PDZD2: variants seen among roughly 807,000 people sequenced by gnomAD.
PDZD2 encodes PDZ domain containing 2, also known as PDZ domain-containing protein 2.
Under a neutral mutation model 220.7 loss-of-function variants are expected in PDZD2, and 90 were observed. The observed-to-expected ratio is 0.41, with a 90% CI of 0.34 to 0.49. PDZD2 has a LOEUF of 0.49. PDZD2 is among the 20% of genes least tolerant of loss of function. PDZD2 has a pLI of 0.28. For missense variants in PDZD2, 3,174 were observed against 3,608.5 expected (o/e 0.88, Z 3.08); for synonymous variants, 1,375 against 1,450.5 (o/e 0.95, Z 1.18).
rs541496525 is a variant in PDZD2 at position 32,049,165 on chromosome 5, G to A, written c.1665+481G>A. ...AAGGTCATGGGGGGCTGTAGAGGGGGGCTGCACTAGCTGCTCAAGTTGATG... is the reference window on the plus strand; with the variant it reads ...AAGGTCATGGGGGGCTGTAGAGGGGAGCTGCACTAGCTGCTCAAGTTGATG... On this transcript the variant is annotated intron_variant, in intron 8 of 24. Transcript: ENST00000438447. 2.8e-4 allele frequency among the ~76,000 whole-genome samples: 43 copies of A among 152,108 alleles called. No homozygotes were observed. The South Asian group carries it at 4.2e-3, about 15-fold the overall frequency.
chr5:31,741,091 A>G (rs1019395825), intron 1 of PDZD2, among the ~76,000 whole-genome samples: 1 of 152,182 alleles, frequency 6.6e-6, no homozygotes, highest in African/African-American at 2.4e-5. Flanking sequence ...TTTGAAATCC[A>G]TGCATAATTT....
At chr5:31,879,744 T>G (rs1387247061) in intron 2 of PDZD2, among the ~76,000 whole-genome samples, 2 of 152,076 alleles carry the variant, frequency 1.3e-5, no homozygotes, top group Non-Finnish European at 2.9e-5. Context: ...CGTTTTCTTC[T>G]TAGCTTTTCT....
intron 1 of PDZD2, among the ~76,000 whole-genome samples, chr5:31,659,438 C>T (rs1277411019): frequency 6.6e-6 from 1 of 152,088 alleles, no homozygotes; most frequent in East Asian, 1.9e-4. Context: ...CCCTCAGCTA[C>T]TCCAGAGTAA....
At chr5:31,695,208 T>A (rs1747329544) in intron 1 of PDZD2, among the ~76,000 whole-genome samples, 1 of 152,116 alleles carries the variant, frequency 6.6e-6, no homozygotes. Flanking sequence ...TTCTTCCAAG[T>A]CCACCTTGAA....
Position 31,870,435 on chromosome 5 carries a change from G to A in PDZD2, c.476+70711G>A, listed in dbSNP as rs1263816354. Among the ~76,000 whole-genome samples the A allele has an allele frequency of 3.3e-5, 5 of 152,170 alleles. No homozygotes were observed. The East Asian group carries it at 9.6e-4, about 29-fold the overall frequency. On this transcript the variant is annotated intron_variant, in intron 2 of 24. Coordinates refer to ENST00000438447, the MANE Select transcript of PDZD2 (RefSeq NM_178140.4). ...CATTACCTTGAAATGACCTCAGTCA[G>A]TGCTGGTTTGGATGCTTTAGAGGTC... is the stretch of plus-strand genomic sequence containing the variant.
intron 1 of PDZD2, among the ~76,000 whole-genome samples, chr5:31,766,052 C>T (rs991570591): frequency 3.3e-5 from 5 of 152,050 alleles, no homozygotes; most frequent in African/African-American, 1.2e-4. Context: ...TGGTGGTGCA[C>T]ACCTGTAGTC....
chr5:31,753,706 A>C (rs1751146852), intron 1 of PDZD2, among the ~76,000 whole-genome samples: 1 of 152,238 alleles, frequency 6.6e-6, no homozygotes, highest in South Asian at 2.1e-4. Flanking sequence ...GCTGCAAATT[A>C]AGTCTTTTTG....
intron 1 of PDZD2, among the ~76,000 whole-genome samples, chr5:31,740,334 C>T (rs1750170217): frequency 6.7e-6 from 1 of 148,240 alleles, no homozygotes; most frequent in African/African-American, 2.5e-5. Context: ...TCCTGGCTAA[C>T]ATGGTGAAAC....
At chr5:31,836,519 C>T (rs952256611) in intron 2 of PDZD2, among the ~76,000 whole-genome samples, 19 of 152,018 alleles carry the variant, frequency 1.2e-4, no homozygotes, top group Middle Eastern at 3.2e-3. Context: ...TGAGCCACTG[C>T]GCCTTGCCAA....
intron 2 of PDZD2, among the ~76,000 whole-genome samples, chr5:31,810,246 TC>T (rs5867106): frequency 0.63 from 90,992 of 145,366 alleles, 28,400 homozygotes; most frequent in East Asian, 0.74. Flanking sequence ...AATGACTTTT[TC>T]TTTTCTTCTC....
At position 31,850,869 on chromosome 5, in the gene PDZD2, C is replaced by T. The variant is rs1218669682; in HGVS notation, c.476+51145C>T. ...GCCAGGATGGTCTTGATCTCCTGAC[C>T]TCGTGTTCCACCCGCCTTGGTCTTC... On this transcript the variant is annotated intron_variant, in intron 2 of 24. Transcript: ENST00000438447. Among the ~76,000 whole-genome samples, 3 of 152,028 alleles carry T rather than the reference C, an allele frequency of 2.0e-5. No homozygotes were observed. The East Asian group carries it at 5.8e-4, about 29-fold the overall frequency.
chr5:31,833,854 A>G (rs1238323251), intron 2 of PDZD2, among the ~76,000 whole-genome samples: 1 of 152,158 alleles, frequency 6.6e-6, no homozygotes, highest in African/African-American at 2.4e-5. Context: ...CCTGGTGGGG[A>G]CTATGGCCAT....
chr5:31,949,088 A>C (rs1581141922), intron 2 of PDZD2, among the ~76,000 whole-genome samples: 2 of 108,824 alleles, frequency 1.8e-5, no homozygotes, highest in Non-Finnish European at 1.8e-5. Flanking sequence ...ACAGAGTGAG[A>C]CTCTGTCTCA....
intron 13 of PDZD2, 106 bp downstream of exon 13, chr5:32,059,462 T>C (rs538903574): frequency 2.7e-4 from 143 of 537,172 alleles, no homozygotes; most frequent in African/African-American, 2.5e-3. Context: ...GTTGAAGCTT[T>C]GAATTCTTTC....
At chr5:31,994,849 T>C (rs1490413017) in intron 3 of PDZD2, among the ~76,000 whole-genome samples, 2 of 152,238 alleles carry the variant, frequency 1.3e-5, no homozygotes, top group Non-Finnish European at 2.9e-5. Flanking sequence ...TATAGTTACC[T>C]ATCAACATTT....
At chr5:31,854,976 G>T (rs763438004) in intron 2 of PDZD2, 105 of 985,372 alleles carry the variant, frequency 1.1e-4, no homozygotes, top group Non-Finnish European at 1.2e-4. Context: ...AGTCCTGCAG[G>T]AGCCGCGTTC....
chr5:31,968,636 CAA>C (rs1365364143), intron 2 of PDZD2, among the ~76,000 whole-genome samples: 1 of 152,030 alleles, frequency 6.6e-6, no homozygotes, highest in Non-Finnish European at 1.5e-5. Flanking sequence ...ACCTGGGCAA[CAA>C]GAGCGAAATT....
chr5:31,996,320 G>A (rs1473131312), intron 4 of PDZD2, among the ~76,000 whole-genome samples: 6 of 152,336 alleles, frequency 3.9e-5, no homozygotes, highest in Admixed American at 3.9e-4. Flanking sequence ...GCTCACGCCT[G>A]TAATCCCAAT....
At chr5:31,688,243 G>T (rs201912843) in intron 1 of PDZD2, among the ~76,000 whole-genome samples, 1 of 151,118 alleles carries the variant, frequency 6.6e-6, no homozygotes, top group Non-Finnish European at 1.5e-5. Flanking sequence ...TCTTACAAAA[G>T]AAAAAAAAAA....
Sources: allele counts gnomAD v4.1 joint callset (sites outside exome capture counted in the v4.1 genomes callset), GRCh38; gene constraint gnomAD v4.1.1; transcripts MANE v1.5; gene names NCBI Gene and HGNC (gene_info 2026-07-23, HGNC 2026-07-21).